L3MBTL4: variants seen among roughly 807,000 people sequenced by gnomAD.
L3MBTL4 encodes the protein lethal(3)malignant brain tumor-like protein 4.
L3MBTL4 carries 70 observed loss-of-function variants against 84.5 expected under a neutral mutation model. The ratio of observed to expected loss-of-function variants is 0.83; its 90% CI spans 0.68 to 1.01. The LOEUF (loss-of-function observed/expected upper bound fraction) is 1.01. L3MBTL4 is among the 50% of genes least tolerant of loss of function. The probability of loss-of-function intolerance (pLI) is 0.00; values close to 1 mark genes in which losing one functional copy is unlikely to be tolerated. For missense variants in L3MBTL4, 715 were observed against 754.8 expected, an observed-to-expected ratio of 0.95 and a Z score of 0.62; for synonymous variants, 274 against 259.8, an observed-to-expected ratio of 1.05 and a Z score of -0.52.
At chr18:6,190,557 C>T (rs2045026225) in intron 12 of L3MBTL4, among the ~76,000 whole-genome samples, 1 of 152,148 alleles carries the variant, frequency 6.6e-6, no homozygotes, top group Admixed American at 6.6e-5. Flanking sequence ...TTCATGTATT[C>T]ATTTAAGCCA....
At chr18:6,337,964 AG>A (rs1410278547) in intron 1 of L3MBTL4, among the ~76,000 whole-genome samples, 3 of 152,082 alleles carry the variant, frequency 2.0e-5, no homozygotes, top group East Asian at 1.9e-4. Context: ...GACTTCTAAC[AG>A]GAACAATGAA....
chr18:6,361,663 G>C (rs1157585755), intron 1 of L3MBTL4, among the ~76,000 whole-genome samples: 1 of 152,216 alleles, frequency 6.6e-6, no homozygotes, highest in Non-Finnish European at 1.5e-5. Context: ...GATCTTTAAA[G>C]AGACAGTCCT....
At chr18:6,075,156 T>C (rs1236268778) in intron 16 of L3MBTL4, among the ~76,000 whole-genome samples, 1 of 152,092 alleles carries the variant, frequency 6.6e-6, no homozygotes, top group Non-Finnish European at 1.5e-5. Flanking sequence ...TCAGAGTAGT[T>C]TGTATGATGT....
intron 1 of L3MBTL4, among the ~76,000 whole-genome samples, chr18:6,386,125 A>G (rs902472715): frequency 6.6e-6 from 1 of 152,226 alleles, no homozygotes; most frequent in African/African-American, 2.4e-5. Context: ...ATAGCACACC[A>G]AGCACACAGG....
intron 13 of L3MBTL4, among the ~76,000 whole-genome samples, chr18:6,161,912 C>T (rs1048111988): frequency 6.6e-5 from 10 of 150,446 alleles, no homozygotes; most frequent in Non-Finnish European, 1.0e-4. Flanking sequence ...TGAAAAAATA[C>T]ATATAATTCT....
rs544783906 is a variant in L3MBTL4 at position 6,407,332 on chromosome 18, C to A, written c.-91+7469G>T. Among the ~76,000 whole-genome samples, 4 of 152,130 alleles carry A rather than the reference C, an allele frequency of 2.6e-5. No homozygotes were observed. In the East Asian group the frequency reaches 5.8e-4, roughly 22 times the overall value. ...GCTGAATTGCATGTGTGAACCTGCC[C>A]AAAAACAGTCACATATCTTCTAGGA... On this transcript the variant is annotated intron_variant, in intron 1 of 18. Coordinates refer to ENST00000317931, the MANE Select transcript of L3MBTL4 (RefSeq NM_001330559.2).
intron 16 of L3MBTL4, among the ~76,000 whole-genome samples, chr18:6,042,916 A>ATT (rs1235162511): frequency 1.3e-5 from 2 of 152,200 alleles, no homozygotes; most frequent in Middle Eastern, 3.2e-3. Flanking sequence ...AAGGCCTCTC[A>ATT]AAATGGTACA....
chr18:6,208,511 T>C (rs867933707), intron 12 of L3MBTL4, among the ~76,000 whole-genome samples: 1 of 152,232 alleles, frequency 6.6e-6, no homozygotes, highest in Non-Finnish European at 1.5e-5. Flanking sequence ...GAAATTCATT[T>C]ATAATTCATT....
At chr18:6,251,704 TATA>T (rs1412489237) in intron 5 of L3MBTL4, among the ~76,000 whole-genome samples, 1 of 152,196 alleles carries the variant, frequency 6.6e-6, no homozygotes, top group Admixed American at 6.5e-5. Flanking sequence ...TAATTATAAA[TATA>T]ATAAATGTTT....
chr18:6,263,474 A>G (rs936062528), intron 5 of L3MBTL4, among the ~76,000 whole-genome samples: 1 of 152,154 alleles, frequency 6.6e-6, no homozygotes, highest in Non-Finnish European at 1.5e-5. Flanking sequence ...CTAGTCATGT[A>G]TGCCAGGATT....
chr18:6,094,867 C>T (rs2058579116), intron 14 of L3MBTL4, among the ~76,000 whole-genome samples: 1 of 152,090 alleles, frequency 6.6e-6, no homozygotes, highest in South Asian at 2.1e-4. Flanking sequence ...CAGCCTGGCC[C>T]AGCATGATCT....
intron 1 of L3MBTL4, among the ~76,000 whole-genome samples, chr18:6,322,510 GA>G (rs143247312): frequency 1.0e-3 from 133 of 131,126 alleles, no homozygotes; most frequent in Middle Eastern, 3.9e-3. Flanking sequence ...AGGAAAGAAG[GA>G]AAAAAAAAAC....
At chr18:5,977,214 C>T (rs372878011) in intron 16 of L3MBTL4, among the ~76,000 whole-genome samples, 62 of 152,358 alleles carry the variant, frequency 4.1e-4, no homozygotes, top group Middle Eastern at 3.4e-3. Flanking sequence ...TCCTCCCAGG[C>T]GGGCATGTGC....
At chr18:6,092,599 CTCTG>C (rs1402656588) in intron 15 of L3MBTL4, among the ~76,000 whole-genome samples, 5 of 152,210 alleles carry the variant, frequency 3.3e-5, no homozygotes, top group Non-Finnish European at 7.3e-5. Context: ...TTTCTCATCT[CTCTG>C]TCTAGCCTTT....
chr18:6,241,838 A>T (rs1416333639), intron 7 of L3MBTL4, among the ~76,000 whole-genome samples: 2 of 152,130 alleles, frequency 1.3e-5, no homozygotes, highest in East Asian at 3.9e-4. Flanking sequence ...CAAAGGGATG[A>T]GACCAGAGTT....
chr18:6,283,563 AT>A (rs1221743856), intron 4 of L3MBTL4, among the ~76,000 whole-genome samples: 2 of 152,142 alleles, frequency 1.3e-5, no homozygotes, highest in Admixed American at 6.5e-5. Flanking sequence ...TAAGCAAAAT[AT>A]GAGCATCTAC....
At chr18:6,118,835 C>T (rs1205967763) in intron 14 of L3MBTL4, among the ~76,000 whole-genome samples, 1 of 152,032 alleles carries the variant, frequency 6.6e-6, no homozygotes. Context: ...AAAGGAACAT[C>T]AAGTGTTTTA....
intron 1 of L3MBTL4, among the ~76,000 whole-genome samples, chr18:6,360,665 A>G (rs1433765434): frequency 6.6e-6 from 1 of 152,074 alleles, no homozygotes; most frequent in Non-Finnish European, 1.5e-5. Flanking sequence ...TTTCCCATAC[A>G]TTATCTGATT....
chr18:5,977,758 G>A (rs762664840), intron 16 of L3MBTL4, among the ~76,000 whole-genome samples: 4 of 152,114 alleles, frequency 2.6e-5, no homozygotes, highest in Non-Finnish European at 5.9e-5. Flanking sequence ...AGAGGTTTGG[G>A]GTTCCAGGTG....
Sources: gnomAD v4.1 joint callset for allele counts (sites outside exome capture counted in the v4.1 genomes callset) on GRCh38, gnomAD v4.1.1 for gene constraint, MANE v1.5 for transcripts, NCBI Gene and HGNC (gene_info 2026-07-23, HGNC 2026-07-21) for gene names.